Variants in DAPK1 observed in about 807,000 individuals in gnomAD.
The protein encoded by DAPK1 is death-associated protein kinase 1.
Under a neutral mutation model 144.9 loss-of-function variants are expected in DAPK1, and 56 were observed. The ratio of observed to expected loss-of-function variants is 0.39; its 90% CI spans 0.31 to 0.48. DAPK1 has a LOEUF of 0.48. Ranked by LOEUF, DAPK1 falls within the 20% of genes least tolerant of loss-of-function variation. The probability of loss-of-function intolerance (pLI) is 0.95; values close to 1 mark genes in which losing one functional copy is unlikely to be tolerated. For synonymous variants in DAPK1, 690 were observed against 749.0 expected, an observed-to-expected ratio of 0.92 and a Z score of 1.29; for missense variants, 1,454 against 1,875.4, an observed-to-expected ratio of 0.78 and a Z score of 4.15.
At chr9:87,693,324 A>G (rs992098944) in intron 21 of DAPK1, among the ~76,000 whole-genome samples, 2 of 151,432 alleles carry the variant, frequency 1.3e-5, no homozygotes, top group African/African-American at 2.4e-5. Flanking sequence ...CCTGTCTTCA[A>G]TTTCTGAAAT....
intron 3 of DAPK1, among the ~76,000 whole-genome samples, chr9:87,619,434 C>G (rs975901182): frequency 6.6e-6 from 1 of 152,164 alleles, no homozygotes; most frequent in South Asian, 2.1e-4. Flanking sequence ...GTCAGGGAGA[C>G]TGGCTGGGAA....
intron 2 of DAPK1, among the ~76,000 whole-genome samples, chr9:87,580,798 G>A (rs1827727837): frequency 6.6e-6 from 1 of 152,136 alleles, no homozygotes. Context: ...CTCCCACATA[G>A]GACCGAGCGG....
At position 87,645,981 on chromosome 9, in the gene DAPK1, A is replaced by C; in HGVS notation, c.1098A>C (p.Ser366=). The part of the protein sequence containing the change: ...NVPGLQHLLG[S]LSNYDVNQPN... Reference sequence around the variant, plus strand: ...CAGGCCTGCAGCACCTTCTGGGCTCATTATCCAACTATGATGTTAACCAAC... The same window carrying C: ...CAGGCCTGCAGCACCTTCTGGGCTCCTTATCCAACTATGATGTTAACCAAC... Residue 366 remains serine (S), a synonymous_variant, in exon 12 of 26, where the codon TCA becomes TCC. Transcript: ENST00000408954. 2 of 1,614,084 alleles carry C rather than the reference A, an allele frequency of 1.2e-6. No individual in the cohort carries two copies. Among genetic ancestry groups the C allele is most frequent in the South Asian group, 1.1e-5 (1 of 91,060 alleles).
At chr9:87,503,124 C>T (rs1337976047) in intron 2 of DAPK1, among the ~76,000 whole-genome samples, 2 of 152,104 alleles carry the variant, frequency 1.3e-5, no homozygotes, top group Admixed American at 6.6e-5. Flanking sequence ...GAATTACAGA[C>T]GTGGCTTTAA....
At chr9:87,664,434 C>T (rs572766739) in intron 18 of DAPK1, among the ~76,000 whole-genome samples, 7 of 152,332 alleles carry the variant, frequency 4.6e-5, no homozygotes, top group Admixed American at 6.5e-5. Flanking sequence ...ATGCCCGCTA[C>T]GGGCATGTGG....
At chr9:87,553,532 G>C (rs1464506270) in intron 2 of DAPK1, 10 of 138,616 alleles carry the variant, frequency 7.2e-5, no homozygotes, top group Non-Finnish European at 4.5e-5. Flanking sequence ...GTCTCGGTCT[G>C]TTGCCCAGGC....
chr9:87,557,466 T>C (rs973644233), intron 2 of DAPK1, among the ~76,000 whole-genome samples: 6 of 152,316 alleles, frequency 3.9e-5, no homozygotes, highest in African/African-American at 1.4e-4. Context: ...TCTAAAACCA[T>C]GCCGATTAAG....
chr9:87,532,407 G>T (rs142963297), intron 2 of DAPK1, among the ~76,000 whole-genome samples: 29 of 152,158 alleles, frequency 1.9e-4, no homozygotes, highest in African/African-American at 6.5e-4. Flanking sequence ...TTGAGTCATG[G>T]TGACAGAGAC....
At position 87,706,601 on chromosome 9, in the gene DAPK1, C is replaced by A; in HGVS notation, c.3530C>A (p.Ala1177Asp). Residue 1177 changes from alanine to aspartate, a missense_variant, in exon 26 of 26, where the codon GCC becomes GAC. By Grantham distance (126) the Ala-to-Asp change is moderately radical. Coordinates refer to ENST00000408954, the MANE Select transcript of DAPK1 (RefSeq NM_004938.4). The surrounding 1 kb of genome is among the most constrained non-coding windows in gnomAD (Gnocchi z 9.0). Reference protein sequence around the residue: ...IRLWVNGCKLANRGAELLVLL... With the variant: ...IRLWVNGCKLDNRGAELLVLL... ...CTGTGGGTGAATGGCTGCAAGCTGG[C>A]CAACCGTGGGGCCGAGCTGCTGGTG... 6.2e-7 allele frequency: 1 copy of A among 1,613,482 alleles called. No individual in the cohort carries two copies. Among genetic ancestry groups the A allele is most frequent in the Non-Finnish European group, 8.5e-7 (1 of 1,179,756 alleles).
chr9:87,629,566 G>A (rs1036031599), intron 3 of DAPK1, among the ~76,000 whole-genome samples: 1 of 152,040 alleles, frequency 6.6e-6, no homozygotes, highest in African/African-American at 2.4e-5. Flanking sequence ...ATGTAGAGAT[G>A]GGGGTCTCAC....
At chr9:87,646,118 T>G (rs1830258991) in intron 12 of DAPK1, 104 bp downstream of exon 12, 2 of 1,379,066 alleles carry the variant, frequency 1.5e-6, no homozygotes, top group Non-Finnish European at 2.0e-6. Flanking sequence ...CCCTTCCAAT[T>G]GGAAGCTCCA....
At chr9:87,499,272 A>G in intron 2 of DAPK1, 133 bp downstream of exon 2, 1 of 838,240 alleles carries the variant, frequency 1.2e-6, no homozygotes, top group East Asian at 2.7e-5. Context: ...AATCATAGAG[A>G]AAAGAGTTAC....
At chr9:87,662,559 A>ATTTTTTTTT (rs1830886898) in intron 18 of DAPK1, among the ~76,000 whole-genome samples, 1 of 25,560 alleles carries the variant, frequency 3.9e-5, no homozygotes, top group Admixed American at 5.8e-4. Context: ...ATATATTCCT[A>ATTTTTTTTT]GTTTTTTTTT....
intron 18 of DAPK1, among the ~76,000 whole-genome samples, chr9:87,664,261 T>C (rs1052649665): frequency 5.9e-5 from 9 of 152,100 alleles, no homozygotes; most frequent in Admixed American, 1.3e-4. Context: ...TCCCCCATCA[T>C]GGAGTTGTCA....
chr9:87,649,481 G>A (rs1165197699), intron 15 of DAPK1, among the ~76,000 whole-genome samples: 2 of 152,208 alleles, frequency 1.3e-5, no homozygotes, highest in Non-Finnish European at 1.5e-5. Flanking sequence ...TAAGGTTGCT[G>A]GAAGAATTCA....
At chr9:87,680,566 A>G (rs1824571219) in intron 19 of DAPK1, among the ~76,000 whole-genome samples, 1 of 152,208 alleles carries the variant, frequency 6.6e-6, no homozygotes, top group Non-Finnish European at 1.5e-5. Flanking sequence ...TTCCAGACCT[A>G]CAGTTATGAA....
intron 2 of DAPK1, among the ~76,000 whole-genome samples, chr9:87,522,560 T>A (rs7849249): frequency 1.3e-5 from 2 of 152,052 alleles, no homozygotes; most frequent in African/African-American, 4.8e-5. Flanking sequence ...GTCTGTGAAC[T>A]TCTAGGATTC....
chr9:87,520,383 G>A (rs1412422787), intron 2 of DAPK1, among the ~76,000 whole-genome samples: 1 of 152,184 alleles, frequency 6.6e-6, no homozygotes, highest in African/African-American at 2.4e-5. Flanking sequence ...GGACCTTGGA[G>A]AGCCAAGTCC....
intron 17 of DAPK1, among the ~76,000 whole-genome samples, chr9:87,653,238 C>T (rs1467999257): frequency 6.6e-6 from 1 of 151,562 alleles, no homozygotes; most frequent in African/African-American, 2.4e-5. Flanking sequence ...GAACCCGGGT[C>T]CTGATTCTGT....
Sources: allele counts gnomAD v4.1 joint callset (sites outside exome capture counted in the v4.1 genomes callset), GRCh38; gene constraint gnomAD v4.1.1; non-coding constraint Gnocchi (gnomAD v3.1); transcripts MANE v1.5; gene names NCBI Gene and HGNC (gene_info 2026-07-23, HGNC 2026-07-21).